SPRR2G: variants seen among roughly 807,000 people sequenced by gnomAD.
The protein encoded by SPRR2G is small proline-rich protein 2G.
A neutral mutation model predicts 0.7 loss-of-function variants in SPRR2G; 1 was observed. The ratio of observed to expected loss-of-function variants is 1.49; its 90% CI spans 0.53 to 7.06. The LOEUF (loss-of-function observed/expected upper bound fraction) is 7.06. Ranked by LOEUF, SPRR2G falls within the 30% of genes most tolerant of loss-of-function variation. SPRR2G has a pLI of 0.14. For synonymous variants in SPRR2G, 38 were observed against 33.9 expected (o/e 1.12, Z -0.42); for missense variants, 96 against 88.5 (o/e 1.09, Z -0.34).
At chr1:153,173,726 G>A in the SPRR2G span, among the ~76,000 whole-genome samples, 1 of 152,164 alleles carries the variant, frequency 6.6e-6, no homozygotes, top group African/African-American at 2.4e-5. Flanking sequence ...GTCACTGGAG[G>A]TGTCAGAGCA....
chr1:153,174,344 T>C, the SPRR2G span, among the ~76,000 whole-genome samples: 1 of 152,200 alleles, frequency 6.6e-6, no homozygotes, highest in Non-Finnish European at 1.5e-5. Context: ...GGGTAGATTA[T>C]AGAACTCTTG....
chr1:153,184,586 G>A, the SPRR2G span, among the ~76,000 whole-genome samples: 26 of 152,268 alleles, frequency 1.7e-4, no homozygotes, highest in African/African-American at 6.3e-4. Flanking sequence ...TTGCTTATCA[G>A]CTTAAGGAGT....
chr1:153,149,660 C>G lies in SPRR2G; in HGVS notation c.*229G>C, dbSNP rs973932843. On this transcript the variant is annotated 3_prime_UTR_variant, in exon 2 of 2. Coordinates refer to ENST00000368748, the MANE Select transcript of SPRR2G (RefSeq NM_001014291.4). The stretch of plus-strand genomic sequence containing the variant: ...CACTTGCTCTCAGGATAGGAACCAC[C>G]ATCTACATCACAGACAGCAAAGCGA... 1 of 607,892 alleles carries G rather than the reference C, an allele frequency of 1.6e-6. No homozygotes were observed. Among genetic ancestry groups the G allele is most frequent in the African/African-American group, 1.9e-5 (1 of 54,022 alleles). The allele number at this position is 607,892 out of a possible 1,614,324, so 37.7% of individuals were successfully genotyped here.
chr1:153,172,399 A>G, the SPRR2G span, among the ~76,000 whole-genome samples: 1 of 152,122 alleles, frequency 6.6e-6, no homozygotes, highest in Non-Finnish European at 1.5e-5. Context: ...CAAGTCTTCT[A>G]TCACTAACCT....
the SPRR2G span, among the ~76,000 whole-genome samples, chr1:153,165,690 A>G: frequency 6.6e-6 from 1 of 152,242 alleles, no homozygotes. Flanking sequence ...AAGTGGCAGA[A>G]ATAATGAAAA....
At chr1:153,203,177 C>A in the SPRR2G span, among the ~76,000 whole-genome samples, 1 of 152,124 alleles carries the variant, frequency 6.6e-6, no homozygotes, top group Non-Finnish European at 1.5e-5. Flanking sequence ...AGCTTTTCTG[C>A]TCCCAGCAAC....
intron 1 of SPRR2G, among the ~76,000 whole-genome samples, chr1:153,150,471 G>A (rs907277000): frequency 1.3e-5 from 2 of 152,072 alleles, no homozygotes; most frequent in African/African-American, 4.8e-5. Flanking sequence ...CTTCCATGAG[G>A]CCCTAGTTAC....
upstream of SPRR2G, among the ~76,000 whole-genome samples, chr1:153,153,860 G>C (rs1419364692): frequency 1.3e-5 from 2 of 152,112 alleles, no homozygotes. Flanking sequence ...AATTAGAAAT[G>C]AACAGAGATG....
At chr1:153,159,070 C>G in the SPRR2G span, among the ~76,000 whole-genome samples, 2 of 152,216 alleles carry the variant, frequency 1.3e-5, no homozygotes, top group Non-Finnish European at 2.9e-5. Flanking sequence ...CTCTGAAATA[C>G]TCTGGAGACA....
the SPRR2G span, among the ~76,000 whole-genome samples, chr1:153,192,864 ACT>A: frequency 3.9e-5 from 6 of 152,162 alleles, no homozygotes; most frequent in Non-Finnish European, 7.4e-5. Context: ...TCCATCATCC[ACT>A]GTCCGGCCCC....
chr1:153,172,986 T>C, the SPRR2G span, among the ~76,000 whole-genome samples: 2 of 152,176 alleles, frequency 1.3e-5, no homozygotes, highest in African/African-American at 4.8e-5. Flanking sequence ...AGAATTAACT[T>C]TGGAACTCTT....
chr1:153,183,209 T>C, the SPRR2G span, among the ~76,000 whole-genome samples: 2 of 135,824 alleles, frequency 1.5e-5, no homozygotes, highest in South Asian at 5.4e-4. Flanking sequence ...ATGCCTGTAA[T>C]CCCAAGTAGC....
chr1:153,151,118 G>A (rs763651380), upstream of SPRR2G, among the ~76,000 whole-genome samples: 9 of 152,216 alleles, frequency 5.9e-5, no homozygotes, highest in African/African-American at 9.6e-5. Flanking sequence ...ATTGTAGAAC[G>A]TGACAAATTG....
chr1:153,160,582 C>G, the SPRR2G span, among the ~76,000 whole-genome samples: 1 of 152,060 alleles, frequency 6.6e-6, no homozygotes, highest in Non-Finnish European at 1.5e-5. Flanking sequence ...TTTGGGAAGT[C>G]AGGAAACAAC....
At chr1:153,180,448 G>A in the SPRR2G span, among the ~76,000 whole-genome samples, 1 of 152,082 alleles carries the variant, frequency 6.6e-6, no homozygotes, top group Non-Finnish European at 1.5e-5. Flanking sequence ...GATATAGATC[G>A]TTGATTCTCA....
the SPRR2G span, among the ~76,000 whole-genome samples, chr1:153,182,371 G>A: frequency 2.1e-5 from 3 of 143,856 alleles, no homozygotes; most frequent in Non-Finnish European, 3.0e-5. Context: ...TTTTTGTCAT[G>A]ACTTTTTTTT....
chr1:153,173,781 C>T, the SPRR2G span, among the ~76,000 whole-genome samples: 1 of 152,120 alleles, frequency 6.6e-6, no homozygotes, highest in Non-Finnish European at 1.5e-5. Context: ...GAGTTCCTTC[C>T]ATGGGGTTGG....
the SPRR2G span, among the ~76,000 whole-genome samples, chr1:153,186,796 T>C: frequency 6.6e-6 from 1 of 152,176 alleles, no homozygotes; most frequent in East Asian, 1.9e-4. Flanking sequence ...CATAGTGTCG[T>C]TGGTCTTTAT....
chr1:153,163,959 C>G, the SPRR2G span, among the ~76,000 whole-genome samples: 1 of 152,014 alleles, frequency 6.6e-6, no homozygotes, highest in African/African-American at 2.4e-5. Flanking sequence ...TCTAAAATAC[C>G]CTCATATTTC....
Sources: allele counts gnomAD v4.1 joint callset (sites outside exome capture counted in the v4.1 genomes callset), GRCh38; gene constraint gnomAD v4.1.1; transcripts MANE v1.5; gene names NCBI Gene and HGNC (gene_info 2026-07-23, HGNC 2026-07-21).